GAK: variants seen among roughly 807,000 people sequenced by gnomAD.
The protein encoded by GAK is cyclin-G-associated kinase.
Under a neutral mutation model 143.9 loss-of-function variants are expected in GAK, and 79 were observed. The ratio of observed to expected loss-of-function variants is 0.55; its 90% CI spans 0.46 to 0.66. The LOEUF (loss-of-function observed/expected upper bound fraction) is 0.66. Among genes scored for constraint, GAK ranks in the 30% least tolerant of loss-of-function variants. The pLI is 0.00. For missense variants in GAK, 1,693 were observed against 1,779.7 expected (o/e 0.95, Z 0.88); for synonymous variants, 881 against 765.5 (o/e 1.15, Z -2.49).
At chr4:920,039 C>G (rs773969843) in intron 1 of GAK, among the ~76,000 whole-genome samples, 2 of 152,030 alleles carry the variant, frequency 1.3e-5, no homozygotes, top group African/African-American at 4.8e-5. Context: ...AGGGTGGGTG[C>G]AGTGGCTCAG....
At chr4:851,362 C>A in intron 25 of GAK, 2 of 453,636 alleles carry the variant, frequency 4.4e-6, no homozygotes, top group Non-Finnish European at 8.0e-6. Flanking sequence ...TCCCAAAGTG[C>A]TGGGATTATA....
At chr4:902,233 C>A (rs1216465184) in intron 5 of GAK, among the ~76,000 whole-genome samples, 2 of 146,168 alleles carry the variant, frequency 1.4e-5, no homozygotes, top group African/African-American at 5.1e-5. Flanking sequence ...CAAGACTCCG[C>A]CTAAAAAAAA....
At chr4:850,875 T>G in intron 26 of GAK, 61 bp downstream of exon 26, 1 of 1,554,352 alleles carries the variant, frequency 6.4e-7, no homozygotes, top group Non-Finnish European at 8.7e-7. Context: ...GCACAGCAGA[T>G]GCTCCAGGGG....
At chr4:856,874 C>G (rs1310601016) in intron 24 of GAK, among the ~76,000 whole-genome samples, 2 of 152,238 alleles carry the variant, frequency 1.3e-5, no homozygotes, top group African/African-American at 2.4e-5. Context: ...TCCGCCTGGC[C>G]TGGCTGTGGG....
In GAK at chr4:927,800, C is replaced by T. The variant is rs1725080127; in HGVS notation, c.145+4243G>A. 2.0e-5 allele frequency among the ~76,000 whole-genome samples: 3 copies of T among 146,452 alleles called. No individual in the cohort carries two copies. The South Asian group carries it at 6.6e-4, about 32-fold the overall frequency. On this transcript the variant is annotated intron_variant, in intron 1 of 27. Coordinates refer to ENST00000314167, the MANE Select transcript of GAK (RefSeq NM_005255.4). ...GCGCTCTGCACTGCCCCGCACCCCT[C>T]CCTGGGTGAGCGCAGGCCCCGCACC...
At chr4:897,841 C>G (rs765305338) in intron 6 of GAK, 192 bp downstream of exon 6, 1 of 526,018 alleles carries the variant, frequency 1.9e-6, no homozygotes, top group African/African-American at 1.9e-5. Context: ...CCCAGCTACT[C>G]GGGAGGCAGA....
intron 1 of GAK, among the ~76,000 whole-genome samples, chr4:925,331 C>T (rs1414236824): frequency 1.3e-5 from 2 of 152,254 alleles, no homozygotes; most frequent in Middle Eastern, 3.4e-3. Flanking sequence ...AGCCCACCAG[C>T]GTCCATGCAA....
chr4:900,111 G>C (rs1487907189), intron 5 of GAK, among the ~76,000 whole-genome samples: 1 of 152,266 alleles, frequency 6.6e-6, no homozygotes, highest in Non-Finnish European at 1.5e-5. Context: ...AGGCCCAGGA[G>C]TGCCCATCCC....
At chr4:925,436 G>A (rs1057479859) in intron 1 of GAK, among the ~76,000 whole-genome samples, 1 of 152,176 alleles carries the variant, frequency 6.6e-6, no homozygotes, top group African/African-American at 2.4e-5. Flanking sequence ...GTCAGTACAG[G>A]ACCACTACAG....
Position 850,015 on chromosome 4 carries a change from C to T in GAK, c.3711G>A (p.Thr1237=), listed in dbSNP as rs754873172. 1.9e-5 allele frequency: 30 copies of T among 1,606,898 alleles called. 1 individual carries two copies. Among genetic ancestry groups the T allele is most frequent in the Admixed American group, 3.3e-5 (2 of 59,724 alleles). Residue 1237 remains threonine, a synonymous_variant, in exon 27 of 28, where the codon ACG becomes ACA. Transcript: ENST00000314167. ...KERNIRALLS[T]LHTVLWDGES... is the part of the protein sequence containing the mutation. ...CCCCGTCCCACAGCACTGTGTGCAG[C>T]GTGGACAGCAGGGCCCGGATGTTCC...
At position 849,961 on chromosome 4, in the gene GAK, G is replaced by A. The variant is rs141947839; in HGVS notation, c.3765C>T (p.Ala1255=). The change falls in exon 27 of 28, where the codon GCC becomes GCT. Residue 1255 remains alanine, a synonymous_variant. Coordinates refer to ENST00000314167, the MANE Select transcript of GAK (RefSeq NM_005255.4). ...GESRWTPVGM[A]DLVAPEQVKK... ...TCACTTGCTCCGGAGCCACCAGGTC[G>A]GCCATGCCCACGGGCGTCCAGCGGC... The A allele has an allele frequency of 9.0e-5, 145 of 1,611,792 alleles. No individual in the cohort carries two copies. Among genetic ancestry groups the A allele is most frequent in the African/African-American group, 4.5e-4 (34 of 74,934 alleles).
In GAK at chr4:877,780, G is replaced by A. The variant is rs1478096287; in HGVS notation, c.1691C>T (p.Ala564Val). The A allele has an allele frequency of 5.6e-6, 9 of 1,609,062 alleles. No homozygotes were observed. The highest frequency in any genetic ancestry group is 1.3e-5 in the African/African-American group (1 of 74,784). Residue 564 changes from alanine (A) to valine (V), a missense_variant, in exon 16 of 28, where the codon GCG (alanine) becomes GTG (valine). Transcript: ENST00000314167. ...GCTGTGGGGTGTGATGGGCTCCTCC[G>A]CCACCATGTCACACATGTACTCGAT... ...RYIEYMCDMV[A>V]EEPITPHSKP...
chr4:850,176 G>T, intron 26 of GAK, 108 bp from the exon 27 acceptor site: 1 of 1,147,170 alleles, frequency 8.7e-7, no homozygotes, highest in Non-Finnish European at 1.2e-6. Flanking sequence ...CACGTGGGGT[G>T]GGCTCAGCCC....
chr4:911,536 C>A, intron 4 of GAK, 137 bp downstream of exon 4: 1 of 592,978 alleles, frequency 1.7e-6, no homozygotes, highest in Non-Finnish European at 3.0e-6. Context: ...AGAGAGCTGC[C>A]CGCGCTTCCC....
At position 911,787 on chromosome 4, in the gene GAK, T is replaced by C. The variant is rs1722089217; in HGVS notation, c.268A>G (p.Lys90Glu). 2.5e-6 allele frequency: 4 copies of C among 1,611,944 alleles called. No homozygotes were observed. Among genetic ancestry groups the C allele is most frequent in the Admixed American group, 1.7e-5 (1 of 59,984 alleles). The change falls in exon 4 of 28, where the codon AAA (lysine) becomes GAA (glutamate). Residue 90 changes from lysine (K) to glutamate (E), a missense_variant and splice_region_variant. Physicochemically the swap from Lys to Glu is moderately conservative, Grantham distance 56 (BLOSUM62 1). Coordinates refer to ENST00000314167, the MANE Select transcript of GAK (RefSeq NM_005255.4). ...RAIIQEVCFM[K>E]KLSGHPNIVQ... ...ATGTTCGGGTGGCCGGAAAGCTTTT[T>C]CTGCAGTTGTCTTGTTAAAGGAGAA...
Position 866,614 on chromosome 4 carries a change from C to A in GAK, c.2873-80G>T, listed in dbSNP as rs1005231151. The A allele has an allele frequency of 6.1e-6, 9 of 1,466,290 alleles. No individual in the cohort carries two copies. The East Asian group carries it at 1.9e-4, about 30-fold the overall frequency. The allele number at this position is 1,466,290 out of a possible 1,614,324, so 90.8% of individuals were successfully genotyped here. On this transcript the variant is annotated intron_variant, in intron 21 of 27. Coordinates refer to ENST00000314167, the MANE Select transcript of GAK (RefSeq NM_005255.4). ...GAGCCCAGCTCTGGAGTCAGGCCTG[C>A]CCAAGAGGCCACTCCAGCTGGGCAG...
intron 1 of GAK, among the ~76,000 whole-genome samples, chr4:923,396 C>G (rs566622707): frequency 4.3e-4 from 65 of 152,328 alleles, no homozygotes; most frequent in South Asian, 1.4e-3. Flanking sequence ...AGGCCAGGCA[C>G]AGTGGCTGAC....
At chr4:910,450 C>T (rs1721854701) in intron 4 of GAK, among the ~76,000 whole-genome samples, 1 of 151,848 alleles carries the variant, frequency 6.6e-6, no homozygotes, top group Non-Finnish European at 1.5e-5. Flanking sequence ...ACGCTCAGGG[C>T]CCTGCTCAGT....
chr4:888,528 C>T (rs565141530), intron 11 of GAK: 10 of 319,790 alleles, frequency 3.1e-5, no homozygotes, highest in South Asian at 3.0e-4. Context: ...AGGTTTCACC[C>T]AATTTACAGA....
Sources: gnomAD v4.1 joint callset for allele counts (sites outside exome capture counted in the v4.1 genomes callset) on GRCh38, gnomAD v4.1.1 for gene constraint, MANE v1.5 for transcripts, NCBI Gene and HGNC (gene_info 2026-07-23, HGNC 2026-07-21) for gene names.